The following TRIQK variants were observed in gnomAD, a reference collection of about 807,000 sequenced individuals.
The protein encoded by TRIQK is triple QxxK/R motif-containing protein.
In TRIQK, 10 loss-of-function variants were observed where a neutral mutation model predicts 10.8. The observed-to-expected ratio is 0.92, with a 90% CI of 0.57 to 1.57. The LOEUF (loss-of-function observed/expected upper bound fraction) is 1.57, where lower values mean the gene tolerates loss of function less well. Ranked by LOEUF, TRIQK falls within the 40% of genes most tolerant of loss-of-function variation. The pLI, the probability that TRIQK is intolerant of heterozygous loss-of-function variation, is 0.00. For missense variants in TRIQK, 107 were observed against 97.7 expected (o/e 1.09, Z -0.40); for synonymous variants, 33 against 33.7 (o/e 0.98, Z 0.07).
intron 2 of TRIQK, among the ~76,000 whole-genome samples, chr8:92,950,096 A>G (rs1247015418): frequency 6.6e-6 from 1 of 152,162 alleles, no homozygotes; most frequent in Non-Finnish European, 1.5e-5. Flanking sequence ...CTACAAAAGT[A>G]TCTTTGGATA....
intron 1 of TRIQK, among the ~76,000 whole-genome samples, chr8:93,014,593 A>C (rs1388324446): frequency 6.6e-6 from 1 of 152,070 alleles, no homozygotes; most frequent in Non-Finnish European, 1.5e-5. Flanking sequence ...TAGAGCACCA[A>C]CCAAATGACA....
intron 2 of TRIQK, among the ~76,000 whole-genome samples, chr8:92,944,438 G>T (rs1811418928): frequency 6.6e-6 from 1 of 152,048 alleles, no homozygotes; most frequent in African/African-American, 2.4e-5. Flanking sequence ...ATTCACAATA[G>T]CCAAGAGATG....
intron 1 of TRIQK, among the ~76,000 whole-genome samples, chr8:93,008,049 A>G (rs1187527690): frequency 1.3e-5 from 2 of 152,176 alleles, no homozygotes; most frequent in Non-Finnish European, 2.9e-5. Context: ...CAGAAAACCA[A>G]ATACTGCATG....
chr8:92,937,782 T>C (rs1811067622), intron 2 of TRIQK, among the ~76,000 whole-genome samples: 1 of 151,896 alleles, frequency 6.6e-6, no homozygotes, highest in East Asian at 1.9e-4. Flanking sequence ...CTTGCAAAAG[T>C]AAACTTCCAA....
At chr8:92,985,616 A>G (rs1813023548) in intron 1 of TRIQK, among the ~76,000 whole-genome samples, 1 of 152,178 alleles carries the variant, frequency 6.6e-6, no homozygotes, top group Non-Finnish European at 1.5e-5. Context: ...TACATAGCTG[A>G]CATGTCTTAA....
chr8:92,982,026 T>C (rs966977146), intron 1 of TRIQK, among the ~76,000 whole-genome samples: 1 of 151,734 alleles, frequency 6.6e-6, no homozygotes, highest in Non-Finnish European at 1.5e-5. Flanking sequence ...ATAACTTTTA[T>C]TATATATTAT....
chr8:92,924,353 G>A (rs977866232), intron 2 of TRIQK, among the ~76,000 whole-genome samples: 1 of 151,896 alleles, frequency 6.6e-6, no homozygotes, highest in Non-Finnish European at 1.5e-5. Flanking sequence ...TTAATATTAA[G>A]AACTATTAAT....
At chr8:93,005,916 T>C (rs1376829450) in intron 1 of TRIQK, among the ~76,000 whole-genome samples, 2 of 151,814 alleles carry the variant, frequency 1.3e-5, no homozygotes, top group Non-Finnish European at 2.9e-5. Flanking sequence ...CCCTAAAGAC[T>C]CCACCAAAAA....
chr8:92,974,213 A>G (rs1812906291), intron 1 of TRIQK: 1 of 152,292 alleles, frequency 6.6e-6, no homozygotes, highest in Non-Finnish European at 1.5e-5. Flanking sequence ...GCACTTCTAC[A>G]TCTACTAGCT....
chr8:92,962,137 C>A (rs1812492854), intron 1 of TRIQK, among the ~76,000 whole-genome samples: 1 of 152,100 alleles, frequency 6.6e-6, no homozygotes, highest in African/African-American at 2.4e-5. Context: ...GAAAAATTAG[C>A]TCTAGGCCTA....
rs551056528 is a variant in TRIQK, at chr8:92,920,780, A to G, written c.-21-3770T>C. 6.9e-4 allele frequency among the ~76,000 whole-genome samples: 105 copies of G among 151,952 alleles called. 2 individuals are homozygous for G. In the South Asian group the frequency reaches 0.022, roughly 31 times the overall value. On this transcript the variant is annotated intron_variant, in intron 2 of 4. Transcript: ENST00000521988. ...GGTTACTAAAATGTGAGGGAACTAT[A>G]TTTACTAAGAAACCAGAAACATAAT...
chr8:93,008,605 A>G (rs948653218), intron 1 of TRIQK, among the ~76,000 whole-genome samples: 5 of 152,228 alleles, frequency 3.3e-5, no homozygotes, highest in Non-Finnish European at 7.3e-5. Context: ...TCAAAGCTAT[A>G]GAAACAGCAC....
At chr8:92,942,608 G>A (rs977981880) in intron 2 of TRIQK, among the ~76,000 whole-genome samples, 15 of 152,182 alleles carry the variant, frequency 9.9e-5, no homozygotes, top group Middle Eastern at 3.2e-3. Context: ...AATTGTGCCC[G>A]TTTGCAGATG....
chr8:92,913,323 C>A (rs952138775), intron 3 of TRIQK, among the ~76,000 whole-genome samples: 4 of 152,012 alleles, frequency 2.6e-5, no homozygotes, highest in Non-Finnish European at 4.4e-5. Context: ...TGAACAGACA[C>A]TTCTCAAAAG....
chr8:93,012,426 A>G (rs995567633), intron 1 of TRIQK, among the ~76,000 whole-genome samples: 2 of 152,188 alleles, frequency 1.3e-5, no homozygotes, highest in African/African-American at 4.8e-5. Context: ...GTTTGCAGTC[A>G]TATGTAGATC....
chr8:92,979,982 C>T (rs901142027), intron 1 of TRIQK, among the ~76,000 whole-genome samples: 1 of 151,986 alleles, frequency 6.6e-6, no homozygotes, highest in African/African-American at 2.4e-5. Context: ...GGACTTCTAG[C>T]ATAATGTTGA....
chr8:92,970,287 G>A (rs562817143), upstream of TRIQK, among the ~76,000 whole-genome samples: 59 of 152,250 alleles, frequency 3.9e-4, no homozygotes, highest in African/African-American at 1.3e-3. Context: ...AGAATGATTT[G>A]TATTCCTTTG....
chr8:92,993,926 C>A (rs556662762), intron 1 of TRIQK, among the ~76,000 whole-genome samples: 8 of 152,256 alleles, frequency 5.3e-5, no homozygotes, highest in Non-Finnish European at 8.8e-5. Flanking sequence ...ACTAGGCAAA[C>A]TTCCTGGGAG....
At chr8:92,978,113 CA>C (rs1812951226) in intron 1 of TRIQK, among the ~76,000 whole-genome samples, 1 of 152,018 alleles carries the variant, frequency 6.6e-6, no homozygotes, top group African/African-American at 2.4e-5. Context: ...TGTATCTATC[CA>C]GAGCTCTTAC....
Sources: gnomAD v4.1 joint callset for allele counts (sites outside exome capture counted in the v4.1 genomes callset) on GRCh38, gnomAD v4.1.1 for gene constraint, MANE v1.5 for transcripts, NCBI Gene and HGNC (gene_info 2026-07-23, HGNC 2026-07-21) for gene names.